Variants in TENM3 observed in about 807,000 individuals in gnomAD.
The protein encoded by TENM3 is teneurin transmembrane protein 3.
A neutral mutation model predicts 255.1 loss-of-function variants in TENM3; 63 were observed. The observed-to-expected ratio is 0.25, with a 90% confidence interval of 0.20 to 0.30. The LOEUF (loss-of-function observed/expected upper bound fraction) is 0.30. Among genes scored for constraint, TENM3 ranks in the 10% least tolerant of loss-of-function variants. The pLI, the probability that TENM3 is intolerant of heterozygous loss-of-function variation, is 1.00. For missense variants in TENM3, 2,929 were observed against 3,461.1 expected (o/e 0.85, Z 3.86); for synonymous variants, 1,306 against 1,322.3 (o/e 0.99, Z 0.27).
At chr4:181,725,371 C>T in the TENM3 span, among the ~76,000 whole-genome samples, 5 of 151,622 alleles carry the variant, frequency 3.3e-5, no homozygotes, top group East Asian at 9.7e-4. Context: ...CATTGTTACA[C>T]CATTTAAAAC....
intron 3 of TENM3, among the ~76,000 whole-genome samples, chr4:182,378,701 G>A (rs961418366): frequency 6.6e-6 from 1 of 152,134 alleles, no homozygotes; most frequent in Non-Finnish European, 1.5e-5. Flanking sequence ...GAGGAAAGTC[G>A]GGTTTTGCAG....
the TENM3 span, among the ~76,000 whole-genome samples, chr4:181,921,890 T>C: frequency 6.6e-6 from 1 of 152,190 alleles, no homozygotes; most frequent in East Asian, 1.9e-4. Flanking sequence ...ATAGCTCTTA[T>C]TATTTTGAGA....
chr4:182,542,302 G>C (rs1307788164), intron 3 of TENM3, among the ~76,000 whole-genome samples: 1 of 152,084 alleles, frequency 6.6e-6, no homozygotes, highest in African/African-American at 2.4e-5. Flanking sequence ...TCTGGCTCTA[G>C]GGGAACTCTT....
chr4:181,889,231 G>A, the TENM3 span, among the ~76,000 whole-genome samples: 2 of 152,098 alleles, frequency 1.3e-5, no homozygotes, highest in South Asian at 2.1e-4. Context: ...CACCATCCTC[G>A]TGGTGATGCG....
chr4:182,410,616 C>T (rs1045222962), intron 3 of TENM3, among the ~76,000 whole-genome samples: 11 of 152,130 alleles, frequency 7.2e-5, no homozygotes, highest in African/African-American at 1.4e-4. Context: ...TCACTTTTTA[C>T]GTAGAAGATC....
chr4:181,595,444 A>AAAAAAAACC, the TENM3 span, among the ~76,000 whole-genome samples: 1 of 129,530 alleles, frequency 7.7e-6, no homozygotes, highest in Non-Finnish European at 1.6e-5. Flanking sequence ...AAAAAAAAAA[A>AAAAAAAACC]AAAAAAAAAA....
intron 1 of TENM3, among the ~76,000 whole-genome samples, chr4:182,313,492 A>G (rs554161187): frequency 2.6e-5 from 4 of 152,192 alleles, no homozygotes; most frequent in African/African-American, 9.6e-5. Context: ...AAGATTATCC[A>G]TTTTAAATAT....
chr4:182,239,630 T>G (rs1757114091), upstream of TENM3, among the ~76,000 whole-genome samples: 1 of 152,196 alleles, frequency 6.6e-6, no homozygotes, highest in Admixed American at 6.5e-5. Flanking sequence ...TTATAGAGTT[T>G]CCTTCTTGAA....
the TENM3 span, among the ~76,000 whole-genome samples, chr4:182,026,508 G>C: frequency 6.6e-6 from 1 of 152,106 alleles, no homozygotes; most frequent in Non-Finnish European, 1.5e-5. Context: ...GCCTGTGCTC[G>C]TGGGGTATTA....
chr4:182,156,509 C>T (rs1322543818), intron 1 of TENM3, among the ~76,000 whole-genome samples: 1 of 152,020 alleles, frequency 6.6e-6, no homozygotes, highest in Non-Finnish European at 1.5e-5. Flanking sequence ...CCCCCTCTCC[C>T]CGCCCTAGTA....
chr4:181,850,458 G>A, the TENM3 span, among the ~76,000 whole-genome samples: 2 of 151,812 alleles, frequency 1.3e-5, no homozygotes, highest in Admixed American at 6.6e-5. Flanking sequence ...GCATTTGTTT[G>A]AAAAAGCCAC....
the TENM3 span, among the ~76,000 whole-genome samples, chr4:181,525,277 A>G: frequency 1.3e-5 from 2 of 151,794 alleles, no homozygotes; most frequent in African/African-American, 2.4e-5. Context: ...CAGGTGTGGT[A>G]GCAGACACCT....
At chr4:181,785,678 G>A in the TENM3 span, among the ~76,000 whole-genome samples, 1 of 151,904 alleles carries the variant, frequency 6.6e-6, no homozygotes, top group Non-Finnish European at 1.5e-5. Context: ...TGAGTATAAT[G>A]CAAATATTCC....
intron 3 of TENM3, among the ~76,000 whole-genome samples, chr4:182,416,593 C>G (rs762136812): frequency 3.3e-5 from 5 of 152,072 alleles, no homozygotes; most frequent in Non-Finnish European, 5.9e-5. Flanking sequence ...CAGAGTTCAA[C>G]TGAGGTTAAT....
chr4:182,421,793 A>G (rs1461056460), intron 3 of TENM3, among the ~76,000 whole-genome samples: 1 of 152,212 alleles, frequency 6.6e-6, no homozygotes, highest in African/African-American at 2.4e-5. Context: ...GGAATATTCA[A>G]TTCTTGATTT....
intron 16 of TENM3, among the ~76,000 whole-genome samples, chr4:182,731,349 C>CA (rs1008152880): frequency 6.0e-5 from 9 of 150,422 alleles, no homozygotes; most frequent in South Asian, 2.1e-4. Context: ...ACTAAAAATA[C>CA]AAAAAAAAAT....
At chr4:182,646,270 G>C (rs1275958923) in intron 5 of TENM3, among the ~76,000 whole-genome samples, 6 of 152,168 alleles carry the variant, frequency 3.9e-5, no homozygotes, top group African/African-American at 1.2e-4. Flanking sequence ...TGAATAGCCT[G>C]TAAGACTTCC....
chr4:181,987,390 G>T, the TENM3 span, among the ~76,000 whole-genome samples: 2 of 152,080 alleles, frequency 1.3e-5, no homozygotes, highest in African/African-American at 2.4e-5. Flanking sequence ...TCTTCATCCT[G>T]CACTACACCT....
the TENM3 span, among the ~76,000 whole-genome samples, chr4:181,457,912 A>G: frequency 6.6e-6 from 1 of 151,938 alleles, no homozygotes; most frequent in African/African-American, 2.4e-5. Context: ...GAGTATTTCT[A>G]TAGTATTTAG....
Sources: gnomAD v4.1 joint callset for allele counts (sites outside exome capture counted in the v4.1 genomes callset) on GRCh38, gnomAD v4.1.1 for gene constraint, MANE v1.5 for transcripts, NCBI Gene and HGNC (gene_info 2026-07-23, HGNC 2026-07-21) for gene names.